DNAH12: variants seen among roughly 807,000 people sequenced by gnomAD.
The protein encoded by DNAH12 is axonemal beta dynein heavy chain 12.
Under a neutral mutation model 371.5 loss-of-function variants are expected in DNAH12, and 285 were observed. That is an observed-to-expected ratio of 0.77 (90% CI 0.70 to 0.85). DNAH12 has a LOEUF of 0.85. Among genes scored for constraint, DNAH12 ranks in the 40% least tolerant of loss-of-function variants. The pLI is 0.00. For synonymous variants in DNAH12, 1,200 were observed against 1,213.0 expected, an observed-to-expected ratio of 0.99 and a Z score of 0.22; for missense variants, 3,611 against 3,689.4, an observed-to-expected ratio of 0.98 and a Z score of 0.55.
chr3:57,389,839 T>TATAA lies in DNAH12; in HGVS notation c.7305+2032_7305+2033insTTAT, dbSNP rs1326237791. Among the ~76,000 whole-genome samples, 18 of 84,844 alleles carry TATAA rather than the reference T, an allele frequency of 2.1e-4. 3 individuals carry two copies. The highest frequency in any genetic ancestry group is 3.9e-4 in the Non-Finnish European group (14 of 36,284). 55.7% of individuals were successfully genotyped at this position (84,844 alleles called of 152,430 possible). A position where few individuals can be genotyped will look rare whatever the true frequency, so the allele number is the denominator to read the frequency against. On this transcript the variant is annotated intron_variant, in intron 45 of 73. Transcript: ENST00000495027. Reference sequence around the variant, plus strand: ...GTGTGTGTGTATATATATATATATATAATACTTTTTTTTTTGAAATGGAGT... The same window carrying TATAA: ...GTGTGTGTGTATATATATATATATATATAAAATACTTTTTTTTTTGAAATGGAGT...
At chr3:57,529,846 C>G (rs1215060373) in intron 2 of DNAH12, among the ~76,000 whole-genome samples, 1 of 151,642 alleles carries the variant, frequency 6.6e-6, no homozygotes, top group Non-Finnish European at 1.5e-5. Context: ...TGAAGTTTTT[C>G]TTCTTTGTTG....
chr3:57,410,986 T>A (rs1175341536), intron 39 of DNAH12, among the ~76,000 whole-genome samples: 2 of 151,958 alleles, frequency 1.3e-5, no homozygotes, highest in Non-Finnish European at 2.9e-5. Context: ...TCCCCTCTCA[T>A]GACTTCTTTT....
At position 57,408,312 on chromosome 3, in the gene DNAH12, T is replaced by C; in HGVS notation, c.6244A>G (p.Ile2082Val). 1 of 1,550,972 alleles carries C rather than the reference T, an allele frequency of 6.4e-7. No homozygotes were observed. The highest frequency in any genetic ancestry group is 1.2e-5 in the South Asian group (1 of 83,854). Residue 2082 changes from isoleucine (I) to valine (V), a missense_variant, in exon 40 of 74, where the codon ATT becomes GTT. By Grantham distance (29) the Ile-to-Val change is conservative (BLOSUM62 3). Around this residue, in one of 3 missense-constraint regions of DNAH12, gnomAD observed 2,266 missense variants for 2,236.9 expected, o/e 1.01. Coordinates refer to ENST00000495027, the MANE Select transcript of DNAH12 (RefSeq NM_001366028.2). ...GTCCCATTGACTATCTGGTTCCCAA[T>C]TACAAAGTACTCTGGAGGAAATTCA... ...THEFPPEYFV[I>V]GNQIVNGTME...
intron 38 of DNAH12, 106 bp downstream of exon 38, chr3:57,415,320 A>C: frequency 7.2e-7 from 1 of 1,394,094 alleles, no homozygotes; most frequent in Non-Finnish European, 9.5e-7. Flanking sequence ...TGAAAGTTTT[A>C]AATTCATAGA....
intron 62 of DNAH12, among the ~76,000 whole-genome samples, chr3:57,326,369 A>C (rs1399673144): frequency 6.6e-6 from 1 of 152,248 alleles, no homozygotes; most frequent in African/African-American, 2.4e-5. Flanking sequence ...TCTCGGCAGA[A>C]ACTCTACAAG....
chr3:57,547,450 G>A (rs552181038), upstream of DNAH12, among the ~76,000 whole-genome samples: 3 of 152,042 alleles, frequency 2.0e-5, no homozygotes, highest in South Asian at 4.1e-4. Flanking sequence ...GAGCCACCAC[G>A]CCTGGCCGAT....
intron 11 of DNAH12, among the ~76,000 whole-genome samples, chr3:57,499,258 T>C (rs1021503447): frequency 6.6e-6 from 1 of 152,066 alleles, no homozygotes; most frequent in Non-Finnish European, 1.5e-5. Context: ...GTTTCTGAGG[T>C]AGGAGAAATG....
chr3:57,495,828 TTA>T (rs1231822847), intron 11 of DNAH12, among the ~76,000 whole-genome samples: 7 of 143,384 alleles, frequency 4.9e-5, no homozygotes, highest in East Asian at 3.9e-4. Context: ...ATTTATATAT[TTA>T]TATATATTTT....
Position 57,413,922 on chromosome 3 carries a change from G to T in DNAH12, c.5854-10C>A. Reference sequence around the variant, plus strand: ...TAGCCATGATAATGTTCTAAAATATGAAGGAAGAATGGTATATTTACCTAT... The same window carrying T: ...TAGCCATGATAATGTTCTAAAATATTAAGGAAGAATGGTATATTTACCTAT... On this transcript the variant is annotated splice_polypyrimidine_tract_variant and intron_variant, in intron 38 of 73. Coordinates refer to ENST00000495027, the MANE Select transcript of DNAH12 (RefSeq NM_001366028.2). The T allele has an allele frequency of 6.5e-7, 1 of 1,547,580 alleles. No homozygotes were observed. The highest frequency in any genetic ancestry group is 1.2e-5 in the South Asian group (1 of 82,946).
chr3:57,545,573 G>A (rs2069513385), upstream of DNAH12, among the ~76,000 whole-genome samples: 1 of 152,054 alleles, frequency 6.6e-6, no homozygotes, highest in African/African-American at 2.4e-5. Flanking sequence ...AGGCTGGAGT[G>A]CAGCGGCACC....
At chr3:57,338,629 C>T (rs55924726) in intron 60 of DNAH12, among the ~76,000 whole-genome samples, 2,501 of 150,728 alleles carry the variant, frequency 0.017, 33 homozygotes, top group Admixed American at 0.034. Flanking sequence ...TCTGCCTGGC[C>T]GCCCCGTCTA....
intron 58 of DNAH12, among the ~76,000 whole-genome samples, chr3:57,358,659 G>C (rs2062853042): frequency 6.6e-6 from 1 of 152,132 alleles, no homozygotes; most frequent in Non-Finnish European, 1.5e-5. Context: ...GGGAATTAAT[G>C]ACATCTTATG....
chr3:57,430,632 G>A (rs2064927589), intron 32 of DNAH12, among the ~76,000 whole-genome samples: 1 of 152,014 alleles, frequency 6.6e-6, no homozygotes, highest in Admixed American at 6.6e-5. Context: ...TCTTTGGCTT[G>A]CAGCTATGGA....
At chr3:57,501,286 CA>C (rs757161325) in intron 11 of DNAH12, 34 bp downstream of exon 11, 2 of 1,528,198 alleles carry the variant, frequency 1.3e-6, no homozygotes, top group African/African-American at 2.8e-5. Context: ...CAAAAAAATT[CA>C]AAACGCATTA....
chr3:57,405,058 T>C lies in DNAH12; in HGVS notation c.6666A>G (p.Pro2222=). 1.3e-6 allele frequency: 2 copies of C among 1,547,024 alleles called. No homozygotes were observed. Among genetic ancestry groups the C allele is most frequent in the Middle Eastern group, 3.4e-4 (2 of 5,970 alleles). Residue 2222 remains proline (P), a synonymous_variant, in exon 42 of 74, where the codon CCA becomes CCG. Coordinates refer to ENST00000495027, the MANE Select transcript of DNAH12 (RefSeq NM_001366028.2). ...CAACATCACTAAAATGATGAATATT[T>C]GGAATTTCAATATAAACTCTATCAT... ...EGDDRVYIEI[P]NIHHFSDVVD...
chr3:57,322,622 G>A lies in DNAH12; in HGVS notation c.10384-139C>T. 3.7e-6 allele frequency: 4 copies of A among 1,070,288 alleles called. No individual in the cohort carries two copies. The Middle Eastern group carries it at 8.7e-4, about 232-fold the overall frequency. The allele number at this position is 1,070,288 out of a possible 1,614,324, so 66.3% of individuals were successfully genotyped here. ...AAACCTCTTAAGGTTAAGCATCTGA[G>A]GCTTGATTAAGATATGCAGACAGCT... On this transcript the variant is annotated intron_variant, in intron 64 of 73. Coordinates refer to ENST00000495027, the MANE Select transcript of DNAH12 (RefSeq NM_001366028.2).
chr3:57,296,799 C>G (rs1412770178), intron 71 of DNAH12, 48 bp downstream of exon 71: 2 of 1,530,310 alleles, frequency 1.3e-6, no homozygotes, highest in Non-Finnish European at 8.8e-7. Flanking sequence ...GGTTTAAATA[C>G]ATGACTTAAT....
In DNAH12 at chr3:57,323,079, T is replaced by C; in HGVS notation, c.10311A>G (p.Ile3437Met). 1.3e-6 allele frequency: 2 copies of C among 1,552,424 alleles called. No individual in the cohort carries two copies. The highest frequency in any genetic ancestry group is 1.4e-5 in the African/African-American group (1 of 73,186). The change falls in exon 64 of 74, where the codon ATA becomes ATG. Residue 3437 changes from isoleucine to methionine, a missense_variant. This residue lies in a region of DNAH12 where 2,266 missense variants were observed against 2,236.9 expected (regional missense o/e 1.01). Transcript: ENST00000495027. ...AGGTTTCAGAGGTAAAATCTTCACA[T>C]ATTTTTTCCAACATGGGCATCCAGG... The part of the protein sequence containing the change: ...AVSWMPMLEK[I>M]CEDFTSETCN...
At chr3:57,429,223 C>A (rs563687117) in intron 33 of DNAH12, among the ~76,000 whole-genome samples, 71 of 151,764 alleles carry the variant, frequency 4.7e-4, no homozygotes, top group South Asian at 1.0e-3. Context: ...GTTGCCCAGG[C>A]TGGAGTGCAA....
Sources: gnomAD v4.1 joint callset for allele counts (sites outside exome capture counted in the v4.1 genomes callset) on GRCh38, gnomAD v4.1.1 for gene constraint, gnomAD v4.1.1 regional missense constraint, MANE v1.5 for transcripts, NCBI Gene and HGNC (gene_info 2026-07-23, HGNC 2026-07-21) for gene names.